The following LPA variants were observed in gnomAD, a reference collection of about 807,000 sequenced individuals.
LPA encodes the protein apolipoprotein(a).
LPA carries 199 observed loss-of-function variants against 197.9 expected under a neutral mutation model. That is an observed-to-expected ratio of 1.01 (90% CI 0.90 to 1.13). The LOEUF (loss-of-function observed/expected upper bound fraction) is 1.13, where lower values mean the gene tolerates loss of function less well. LPA is among the 50% of genes most tolerant of loss of function. The pLI, the probability that LPA is intolerant of heterozygous loss-of-function variation, is 0.00. For synonymous variants in LPA, 715 were observed against 639.5 expected (o/e 1.12, Z -1.78); for missense variants, 1,853 against 1,785.8 (o/e 1.04, Z -0.68).
chr6:160,590,714 GT>G (rs575390120), intron 23 of LPA, among the ~76,000 whole-genome samples: 9 of 152,044 alleles, frequency 5.9e-5, no homozygotes, highest in Non-Finnish European at 1.2e-4. Context: ...GGTAAATCCA[GT>G]GCCCTAGAAG....
At chr6:160,662,379 GT>G (rs1344390229) in intron 1 of LPA, among the ~76,000 whole-genome samples, 1 of 152,150 alleles carries the variant, frequency 6.6e-6, no homozygotes, top group Admixed American at 6.5e-5. Context: ...AATAGAAGAT[GT>G]TTCTCCGCTT....
At chr6:160,537,098 G>C (rs1319549153) in intron 37 of LPA, among the ~76,000 whole-genome samples, 2 of 152,204 alleles carry the variant, frequency 1.3e-5, no homozygotes, top group African/African-American at 4.8e-5. Context: ...TGAGAAAGTA[G>C]AGCTGAGACT....
At chr6:160,557,761 G>A (rs949263715) in intron 28 of LPA, among the ~76,000 whole-genome samples, 190 bp from the exon 29 acceptor site, 12 of 151,984 alleles carry the variant, frequency 7.9e-5, no homozygotes, top group African/African-American at 2.9e-4. Flanking sequence ...TTCCAAGATA[G>A]ATTATAATTT....
chr6:160,607,196 A>G (rs1237518171), intron 16 of LPA, among the ~76,000 whole-genome samples: 1 of 152,088 alleles, frequency 6.6e-6, no homozygotes, highest in Non-Finnish European at 1.5e-5. Context: ...AACCTCGCGA[A>G]AAGGCTCTAC....
At chr6:160,610,275 C>G (rs1779464476) in intron 16 of LPA, among the ~76,000 whole-genome samples, 1 of 152,160 alleles carries the variant, frequency 6.6e-6, no homozygotes. Flanking sequence ...TTTCCTCTCA[C>G]AGGCACTTCA....
intron 20 of LPA, 142 bp from the exon 21 acceptor site, chr6:160,595,677 G>A (rs1307551680): frequency 8.3e-7 from 1 of 1,206,874 alleles, no homozygotes; most frequent in Admixed American, 2.0e-5. Context: ...TGCACAAATG[G>A]TCCTCAACTT....
chr6:160,660,328 C>T (rs548186838), intron 1 of LPA, among the ~76,000 whole-genome samples: 24 of 152,284 alleles, frequency 1.6e-4, no homozygotes, highest in African/African-American at 5.8e-4. Flanking sequence ...TAGGTATTCC[C>T]CCTCCTCCAC....
chr6:160,592,358 A>G (rs757506778), intron 22 of LPA, among the ~76,000 whole-genome samples: 2 of 152,148 alleles, frequency 1.3e-5, no homozygotes, highest in Non-Finnish European at 2.9e-5. Context: ...CATTACAGAT[A>G]TAACTTTTCT....
chr6:160,555,969 C>T, intron 30 of LPA, 56 bp downstream of exon 30: 1 of 1,274,120 alleles, frequency 7.8e-7, no homozygotes, highest in Non-Finnish European at 1.1e-6. Flanking sequence ...CAAGGCTCTT[C>T]TAGGAGGAAC....
Position 160,548,618 on chromosome 6 carries a change from G to T in LPA, c.5015C>A (p.Thr1672Lys). The T allele has an allele frequency of 6.2e-7, 1 of 1,614,136 alleles. No individual in the cohort carries two copies. Among genetic ancestry groups the T allele is most frequent in the East Asian group, 2.2e-5 (1 of 44,866 alleles). ...MNYCRNPDAD[T>K]GPWCFTMDPS... The stretch of plus-strand genomic sequence containing the variant: ...GTCCATGGTAAAACACCAAGGGCCT[G>T]TATCGGCATCTGGATTCCTGCAGTA... The change falls in exon 31 of 39, where the codon ACA (threonine) becomes AAA (lysine). Residue 1672 changes from threonine to lysine, a missense_variant. Physicochemically the swap from Thr to Lys is moderately conservative, Grantham distance 78. Coordinates refer to ENST00000316300, the MANE Select transcript of LPA (RefSeq NM_005577.4).
At chr6:160,583,528 C>T (rs1481502692) in intron 26 of LPA, among the ~76,000 whole-genome samples, 1 of 152,144 alleles carries the variant, frequency 6.6e-6, no homozygotes, top group Non-Finnish European at 1.5e-5. Context: ...GCTCAAATAC[C>T]TCCCAGTGCT....
At chr6:160,611,196 T>A (rs530876298) in intron 16 of LPA, among the ~76,000 whole-genome samples, 1 of 152,098 alleles carries the variant, frequency 6.6e-6, no homozygotes, top group Non-Finnish European at 1.5e-5. Flanking sequence ...GCAAACACAA[T>A]CTTCCCTTCA....
At chr6:160,571,969 C>T (rs1269756654) in intron 28 of LPA, among the ~76,000 whole-genome samples, 8 of 152,156 alleles carry the variant, frequency 5.3e-5, no homozygotes. Flanking sequence ...AAATGCCAGC[C>T]CAGTTTTGGG....
In LPA at chr6:160,607,509, G is replaced by A. The variant is rs374200917; in HGVS notation, c.2604-851C>T. Among the ~76,000 whole-genome samples, 10 of 152,254 alleles carry A rather than the reference G, an allele frequency of 6.6e-5. No homozygotes were observed. In the South Asian group the frequency reaches 1.9e-3, roughly 28 times the overall value. The stretch of plus-strand genomic sequence containing the variant: ...CTAAGAGATCTGAAGAGGTCGGACA[G>A]CTACGGAGGAACACTGCATTAGGGG... On this transcript the variant is annotated intron_variant, in intron 16 of 38. Transcript: ENST00000316300.
intron 28 of LPA, among the ~76,000 whole-genome samples, chr6:160,571,078 A>C (rs954868350): frequency 6.6e-6 from 1 of 151,900 alleles, no homozygotes; most frequent in East Asian, 1.9e-4. Context: ...TTCATTCTTT[A>C]TTCCTTAATC....
At chr6:160,546,237 C>A (rs1046186456) in intron 32 of LPA, among the ~76,000 whole-genome samples, 1 of 152,088 alleles carries the variant, frequency 6.6e-6, no homozygotes, top group East Asian at 1.9e-4. Flanking sequence ...GAAGGTGAGC[C>A]GATCACCGAT....
intron 31 of LPA, 71 bp downstream of exon 31, chr6:160,548,407 T>C (rs767391061): frequency 3.1e-5 from 47 of 1,517,624 alleles, no homozygotes; most frequent in Middle Eastern, 1.9e-4. Flanking sequence ...TGGTTTTTCA[T>C]GTCTTTTCAT....
At chr6:160,538,406 C>T (rs943335790) in intron 36 of LPA, among the ~76,000 whole-genome samples, 2 of 152,160 alleles carry the variant, frequency 1.3e-5, no homozygotes, top group Non-Finnish European at 2.9e-5. Context: ...CCATCTGGAT[C>T]CTCCACTTCC....
chr6:160,609,711 T>C (rs147125516), intron 16 of LPA, among the ~76,000 whole-genome samples: 20 of 152,188 alleles, frequency 1.3e-4, no homozygotes, highest in African/African-American at 4.6e-4. Context: ...TTCCTGCATG[T>C]CTCTGAGGGT....
Sources: gnomAD v4.1 joint callset for allele counts (sites outside exome capture counted in the v4.1 genomes callset) on GRCh38, gnomAD v4.1.1 for gene constraint, MANE v1.5 for transcripts, NCBI Gene and HGNC (gene_info 2026-07-23, HGNC 2026-07-21) for gene names.